The following DNAH9 variants were observed in gnomAD, a reference collection of about 807,000 sequenced individuals.
DNAH9 encodes dynein axonemal heavy chain 9.
Under a neutral mutation model 471.6 loss-of-function variants are expected in DNAH9, and 345 were observed. The observed-to-expected ratio is 0.73, with a 90% confidence interval of 0.67 to 0.80. DNAH9 has a LOEUF of 0.80. Ranked by LOEUF, DNAH9 falls within the 30% of genes least tolerant of loss-of-function variation. The pLI, the probability that DNAH9 is intolerant of heterozygous loss-of-function variation, is 0.00. For synonymous variants in DNAH9, 2,093 were observed against 2,123.6 expected (o/e 0.99, Z 0.40); for missense variants, 5,407 against 5,609.2 (o/e 0.96, Z 1.15).
At chr17:11,920,620 C>CAAAAAAAAA (rs778741343) in intron 61 of DNAH9, among the ~76,000 whole-genome samples, 1 of 61,984 alleles carries the variant, frequency 1.6e-5, no homozygotes, top group African/African-American at 6.1e-5. Flanking sequence ...GACTCCATCT[C>CAAAAAAAAA]AAAAAAAAAA....
intron 49 of DNAH9, among the ~76,000 whole-genome samples, chr17:11,842,963 T>C (rs1214263972): frequency 1.3e-5 from 2 of 152,204 alleles, no homozygotes. Context: ...GTCAAAATGA[T>C]ATTTAACACA....
chr17:11,675,429 C>A (rs2074033952), intron 17 of DNAH9, among the ~76,000 whole-genome samples: 1 of 152,036 alleles, frequency 6.6e-6, no homozygotes, highest in African/African-American at 2.4e-5. Context: ...TGCTTTATAT[C>A]TCTGTCTCTT....
chr17:11,928,862 C>T (rs1448846104), intron 62 of DNAH9, among the ~76,000 whole-genome samples: 1 of 152,112 alleles, frequency 6.6e-6, no homozygotes, highest in Non-Finnish European at 1.5e-5. Context: ...GGCGCTGATT[C>T]AGTAAGTTTG....
At position 11,822,617 on chromosome 17, in the gene DNAH9, A is replaced by G; in HGVS notation, c.9012+18A>G. The G allele has an allele frequency of 1.2e-6, 2 of 1,613,472 alleles. No homozygotes were observed. Among genetic ancestry groups the G allele is most frequent in the Non-Finnish European group, 1.7e-6 (2 of 1,179,590 alleles). The stretch of plus-strand genomic sequence containing the variant: ...GCATTGAGGTGAGAGAGAAAAGGAG[A>G]CACTCCTAAAAGTCCTTCCCAGATG... On this transcript the variant is annotated intron_variant, in intron 47 of 68. Transcript: ENST00000262442.
chr17:11,658,059 G>A (rs1403415120), intron 14 of DNAH9, among the ~76,000 whole-genome samples: 1 of 152,024 alleles, frequency 6.6e-6, no homozygotes, highest in Non-Finnish European at 1.5e-5. Context: ...GGGGAAAAAG[G>A]CTAGATGTGA....
chr17:11,836,307 C>G (rs1297328789), intron 49 of DNAH9, among the ~76,000 whole-genome samples: 9 of 152,124 alleles, frequency 5.9e-5, no homozygotes, highest in Admixed American at 5.2e-4. Flanking sequence ...AGGGCCTCAA[C>G]TAGGCACATT....
At chr17:11,735,625 C>T (rs992905548) in intron 28 of DNAH9, among the ~76,000 whole-genome samples, 4 of 151,994 alleles carry the variant, frequency 2.6e-5, no homozygotes, top group Non-Finnish European at 4.4e-5. Context: ...TTAGTGGAGA[C>T]GGGATTTCAC....
At chr17:11,803,204 C>G (rs1239364850) in intron 43 of DNAH9, among the ~76,000 whole-genome samples, 6 of 152,178 alleles carry the variant, frequency 3.9e-5, no homozygotes, top group Non-Finnish European at 8.8e-5. Flanking sequence ...AGCTTTAAAC[C>G]AGATCTTTTC....
intron 67 of DNAH9, among the ~76,000 whole-genome samples, chr17:11,942,740 TAAAC>T (rs1420760410): frequency 6.6e-6 from 1 of 152,184 alleles, no homozygotes; most frequent in Non-Finnish European, 1.5e-5. Context: ...ACCAGTTACT[TAAAC>T]AAGTTTATTT....
chr17:11,628,413 G>T (rs1254852761), intron 6 of DNAH9, among the ~76,000 whole-genome samples: 1 of 152,180 alleles, frequency 6.6e-6, no homozygotes, highest in African/African-American at 2.4e-5. Context: ...TGCAGGCCTG[G>T]CCTAAATCCC....
chr17:11,652,909 A>G lies in DNAH9; in HGVS notation c.2502A>G (p.Glu834=), dbSNP rs1567693272. ...PIFKTKDGKR[E]SLLSLDDRHD... Reference sequence around the variant, plus strand: ...TTAAGACAAAAGATGGAAAAAGGGAATCCCTTCTTTCTCTGGATGATCGGC... The same window carrying G: ...TTAAGACAAAAGATGGAAAAAGGGAGTCCCTTCTTTCTCTGGATGATCGGC... Residue 834 remains glutamate, a synonymous_variant, in exon 14 of 69, where the codon GAA becomes GAG. Transcript: ENST00000262442. 2.5e-6 allele frequency: 4 copies of G among 1,614,016 alleles called. No homozygotes were observed. The highest frequency in any genetic ancestry group is 2.5e-6 in the Non-Finnish European group (3 of 1,179,878).
At chr17:11,856,533 A>C (rs2041436345) in intron 50 of DNAH9, among the ~76,000 whole-genome samples, 1 of 85,164 alleles carries the variant, frequency 1.2e-5, no homozygotes, top group East Asian at 2.4e-4. Context: ...CCCCGTCTTT[A>C]CTAAAAATAC....
intron 57 of DNAH9, 134 bp downstream of exon 57, chr17:11,887,099 G>A: frequency 1.6e-6 from 2 of 1,215,944 alleles, no homozygotes; most frequent in Non-Finnish European, 2.3e-6. Flanking sequence ...CAGGAGAGGA[G>A]CTATGTTACC....
intron 45 of DNAH9, among the ~76,000 whole-genome samples, chr17:11,819,387 A>G (rs1970228516): frequency 6.6e-6 from 1 of 152,162 alleles, no homozygotes; most frequent in Non-Finnish European, 1.5e-5. Context: ...TTATCTTAAC[A>G]TAACTTATTA....
chr17:11,780,932 C>A, intron 38 of DNAH9, 77 bp from the exon 39 acceptor site: 1 of 1,476,394 alleles, frequency 6.8e-7, no homozygotes, highest in Non-Finnish European at 9.2e-7. Flanking sequence ...CATTGCTTCT[C>A]CTTGAAATCT....
intron 1 of DNAH9, among the ~76,000 whole-genome samples, chr17:11,606,259 T>C (rs2072500909): frequency 6.6e-6 from 1 of 152,098 alleles, no homozygotes; most frequent in African/African-American, 2.4e-5. Context: ...TGGGGCTTAT[T>C]GATCATAACC....
chr17:11,704,146 G>A (rs898290461), intron 24 of DNAH9, 57 bp from the exon 25 acceptor site: 1 of 1,601,938 alleles, frequency 6.2e-7, no homozygotes, highest in Non-Finnish European at 8.5e-7. Context: ...TGTGATGAGT[G>A]GGTTGGTTGG....
At chr17:11,899,448 T>G (rs538085213) in intron 59 of DNAH9, among the ~76,000 whole-genome samples, 2 of 152,346 alleles carry the variant, frequency 1.3e-5, no homozygotes, top group East Asian at 1.9e-4. Context: ...GGTTGCCAAT[T>G]TAGCTCGGTT....
chr17:11,855,088 G>A (rs1260494768), intron 50 of DNAH9, among the ~76,000 whole-genome samples: 1 of 151,892 alleles, frequency 6.6e-6, no homozygotes, highest in Admixed American at 6.6e-5. Flanking sequence ...AATCTGTAGA[G>A]GCAGGGTCTC....
Sources: allele counts gnomAD v4.1 joint callset (sites outside exome capture counted in the v4.1 genomes callset), GRCh38; gene constraint gnomAD v4.1.1; transcripts MANE v1.5; gene names NCBI Gene and HGNC (gene_info 2026-07-23, HGNC 2026-07-21).